Variants in UGT1A6 observed in about 807,000 individuals in gnomAD.
UGT1A6 encodes the protein UDP glucuronosyltransferase family 1 member A6.
In UGT1A6, 32 loss-of-function variants were observed where a neutral mutation model predicts 44.4. The ratio of observed to expected loss-of-function variants is 0.72; its 90% CI spans 0.54 to 0.97. The LOEUF is 0.97. Among genes scored for constraint, UGT1A6 ranks in the 50% least tolerant of loss-of-function variants. The pLI, the probability that UGT1A6 is intolerant of heterozygous loss-of-function variation, is 0.00. For synonymous variants in UGT1A6, 238 were observed against 248.5 expected (o/e 0.96, Z 0.40); for missense variants, 685 against 661.9 (o/e 1.03, Z -0.38).
intron 1 of UGT1A6, among the ~76,000 whole-genome samples, chr2:233,766,527 C>A (rs182363342): frequency 6.6e-6 from 1 of 152,236 alleles, no homozygotes; most frequent in Non-Finnish European, 1.5e-5. Context: ...AACATTTAGG[C>A]AGGAAAACAA....
Position 233,769,424 on chromosome 2 carries a change from G to T in UGT1A6, c.1301+985G>T. 2 of 1,481,600 alleles carry T rather than the reference G, an allele frequency of 1.3e-6. No homozygotes were observed. The highest frequency in any genetic ancestry group is 1.8e-4 in the Middle Eastern group (1 of 5,630). 91.8% of individuals were successfully genotyped at this position (1,481,600 alleles called of 1,614,324 possible). Reference sequence around the variant, plus strand: ...ATGTGCGTGTGCGTTTGTGCATGTGGCTGTGCTCATGTGTGGGTGCACACG... The same window carrying T: ...ATGTGCGTGTGCGTTTGTGCATGTGTCTGTGCTCATGTGTGGGTGCACACG... On this transcript the variant is annotated intron_variant, in intron 4 of 4. Coordinates refer to ENST00000305139, the MANE Select transcript of UGT1A6 (RefSeq NM_001072.4). This position sits in a 1 kb window ranked among gnomAD's most constrained non-coding sequence, Gnocchi z 4.4.
intron 1 of UGT1A6, among the ~76,000 whole-genome samples, chr2:233,712,689 G>T (rs550235910): frequency 6.6e-5 from 10 of 152,258 alleles, no homozygotes; most frequent in South Asian, 6.2e-4. Context: ...ATGAAATGGG[G>T]GTTCACAGCC....
intron 1 of UGT1A6, among the ~76,000 whole-genome samples, chr2:233,694,572 A>G (rs1254227548): frequency 6.6e-6 from 1 of 152,230 alleles, no homozygotes; most frequent in Non-Finnish European, 1.5e-5. Flanking sequence ...TTAAATTTCA[A>G]TGTAAATATT....
intron 1 of UGT1A6, among the ~76,000 whole-genome samples, chr2:233,726,110 G>C (rs2077503399): frequency 6.6e-6 from 1 of 152,164 alleles, no homozygotes; most frequent in Non-Finnish European, 1.5e-5. Context: ...AGGCTGCAGT[G>C]TGCCATGTTC....
At chr2:233,719,203 G>A (rs145806554) in intron 1 of UGT1A6, 5 of 1,614,242 alleles carry the variant, frequency 3.1e-6, no homozygotes, top group Middle Eastern at 3.3e-4. Context: ...CATAGGTGTT[G>A]TGTGGAGCTA....
intron 1 of UGT1A6, among the ~76,000 whole-genome samples, chr2:233,725,666 T>C (rs1346246922): frequency 6.6e-6 from 1 of 152,182 alleles, no homozygotes; most frequent in Non-Finnish European, 1.5e-5. Context: ...CAATTTGGAA[T>C]AGTCACATTT....
At chr2:233,765,607 G>A (rs1299491644) in intron 1 of UGT1A6, among the ~76,000 whole-genome samples, 2 of 151,978 alleles carry the variant, frequency 1.3e-5, no homozygotes, top group African/African-American at 4.8e-5. Context: ...GGCTTGTGGC[G>A]GGGTGAGGGG....
At chr2:233,724,617 C>T (rs553228713) in intron 1 of UGT1A6, among the ~76,000 whole-genome samples, 3,256 of 135,154 alleles carry the variant, frequency 0.024, 113 homozygotes, top group African/African-American at 0.056. Context: ...CGGGCAGAGA[C>T]GCTCCTCACT....
At chr2:233,741,974 C>A (rs1011197699) in intron 1 of UGT1A6, 2 of 151,852 alleles carry the variant, frequency 1.3e-5, no homozygotes, top group Non-Finnish European at 2.9e-5. Context: ...GTTTATGGTG[C>A]CTCACCCAAA....
intron 1 of UGT1A6, chr2:233,717,743 G>A (rs182116418): frequency 2.2e-6 from 1 of 456,536 alleles, no homozygotes; most frequent in East Asian, 6.9e-5. Flanking sequence ...AGTGCTCAGG[G>A]TCTCCCCCTA....
At chr2:233,757,541 T>TAC (rs1553619873) in intron 1 of UGT1A6, among the ~76,000 whole-genome samples, 2 of 117,592 alleles carry the variant, frequency 1.7e-5, no homozygotes, top group African/African-American at 7.2e-5. Context: ...AAGGAATATA[T>TAC]ATATATATAT....
chr2:233,710,385 C>T (rs894731418), intron 1 of UGT1A6, among the ~76,000 whole-genome samples: 3 of 152,278 alleles, frequency 2.0e-5, no homozygotes, highest in East Asian at 1.9e-4. Flanking sequence ...CTAACAGCAA[C>T]GCATTAGAGT....
At chr2:233,736,493 CT>C (rs2078770083) in intron 1 of UGT1A6, among the ~76,000 whole-genome samples, 1 of 152,222 alleles carries the variant, frequency 6.6e-6, no homozygotes, top group African/African-American at 2.4e-5. Context: ...TACTACCAAA[CT>C]TCTGAAGCCT....
intron 1 of UGT1A6, chr2:233,760,697 T>C (rs1697532735): frequency 6.2e-7 from 1 of 1,614,264 alleles, no homozygotes; most frequent in Non-Finnish European, 8.5e-7. Context: ...AAGGAGCTCA[T>C]GGCCTCCCTG....
Position 233,693,616 on chromosome 2 carries a change from T to C in UGT1A6, c.612T>C (p.Thr204=), listed in dbSNP as rs1361401309. The change falls in exon 1 of 5, where the codon ACT becomes ACC. Residue 204 remains threonine, a synonymous_variant. Transcript: ENST00000305139. ...ACACAAAGTTTTCAGACCACATGAC[T>C]TTTTCCCAACGAGTGGCCAACTTCC... ...RCYTKFSDHM[T]FSQRVANFLV... The C allele has an allele frequency of 1.9e-6, 3 of 1,614,068 alleles. No homozygotes were observed. Among genetic ancestry groups the C allele is most frequent in the Middle Eastern group, 1.6e-4 (1 of 6,062 alleles).
intron 1 of UGT1A6, chr2:233,719,082 G>C: frequency 6.2e-7 from 1 of 1,614,280 alleles, no homozygotes; most frequent in Non-Finnish European, 8.5e-7. Flanking sequence ...GACCCAGAAG[G>C]AATTTGATCG....
At chr2:233,760,284 C>G (rs752018052) in intron 1 of UGT1A6, 1 of 1,612,882 alleles carries the variant, frequency 6.2e-7, no homozygotes, top group Non-Finnish European at 8.5e-7. Context: ...GGAGCAAAGG[C>G]GCCATGGCTG....
At chr2:233,703,003 G>T (rs1384511642) in intron 1 of UGT1A6, among the ~76,000 whole-genome samples, 1 of 152,110 alleles carries the variant, frequency 6.6e-6, no homozygotes, top group Non-Finnish European at 1.5e-5. Flanking sequence ...CTATTTTTTG[G>T]GAACAGTCTG....
rs140613392 is a variant in UGT1A6 at position 233,768,343 on chromosome 2, G to A, written c.1205G>A (p.Arg402His). 68 of 1,614,170 alleles carry A rather than the reference G, an allele frequency of 4.2e-5. No homozygotes were observed. The highest frequency in any genetic ancestry group is 3.7e-4 in the African/African-American group (28 of 75,042). ...GGTGATCAGATGGACAATGCAAAGC[G>A]CATGGAGACTAAGGGAGCTGGAGTG... ...LFGDQMDNAK[R>H]METKGAGVTL... Residue 402 changes from arginine (R) to histidine (H), a missense_variant, in exon 4 of 5, where the codon CGC (arginine) becomes CAC (histidine). By Grantham distance (29) the Arg-to-His change is conservative. Coordinates refer to ENST00000305139, the MANE Select transcript of UGT1A6 (RefSeq NM_001072.4).
Sources: allele counts gnomAD v4.1 joint callset (sites outside exome capture counted in the v4.1 genomes callset), GRCh38; gene constraint gnomAD v4.1.1; non-coding constraint Gnocchi (gnomAD v3.1); transcripts MANE v1.5; gene names NCBI Gene and HGNC (gene_info 2026-07-23, HGNC 2026-07-21).